The following LIPC variants were observed in gnomAD, a reference collection of about 807,000 sequenced individuals.
LIPC encodes hepatic triacylglycerol lipase.
Under a neutral mutation model 50.7 loss-of-function variants are expected in LIPC, and 44 were observed. That is an observed-to-expected ratio of 0.87 (90% confidence interval 0.68 to 1.11). LIPC has a LOEUF of 1.11. LIPC is among the 50% of genes most tolerant of loss of function. The pLI is 0.00. For synonymous variants in LIPC, 271 were observed against 256.4 expected (o/e 1.06, Z -0.54); for missense variants, 697 against 648.2 (o/e 1.08, Z -0.82).
chr15:58,563,924 C>G (rs1894265102), intron 8 of LIPC: 1 of 617,806 alleles, frequency 1.6e-6, no homozygotes, highest in South Asian at 1.7e-5. Flanking sequence ...ACACCCAGGT[C>G]TTTGAATACA....
At chr15:58,518,535 C>A (rs931300694) in intron 1 of LIPC, among the ~76,000 whole-genome samples, 6 of 152,214 alleles carry the variant, frequency 3.9e-5, no homozygotes, top group Admixed American at 2.0e-4. Flanking sequence ...TCGCTCCACT[C>A]CTTCAGGCTC....
In LIPC at chr15:58,501,347, C is replaced by CTTT. The variant is rs11453466; in HGVS notation, c.89-36971_89-36969dup. ...GATCATTACCTAGAGGCCTCTCATA[C>CTTT]TTTTTTTTTTTTTTTTTAATGCCTG... On this transcript the variant is annotated intron_variant, in intron 1 of 8. Transcript: ENST00000299022. Among the ~76,000 whole-genome samples the CTTT allele has an allele frequency of 1.2e-3, 161 of 134,844 alleles. 1 individual carries two copies. The highest frequency in any genetic ancestry group is 3.9e-3 in the Middle Eastern group (1 of 254). 88.5% of individuals were successfully genotyped at this position (134,844 alleles called of 152,430 possible).
intron 1 of LIPC, among the ~76,000 whole-genome samples, chr15:58,451,416 GT>G (rs1893894942): frequency 6.6e-6 from 1 of 152,138 alleles, no homozygotes; most frequent in Admixed American, 6.5e-5. Context: ...AAGTCACCAT[GT>G]TTCTTCATTC....
chr15:58,505,920 G>T (rs1453318505), intron 1 of LIPC, among the ~76,000 whole-genome samples: 1 of 151,128 alleles, frequency 6.6e-6, no homozygotes, highest in East Asian at 2.0e-4. Context: ...GCCAGTACCC[G>T]CGAGCTCCCT....
intron 6 of LIPC, among the ~76,000 whole-genome samples, chr15:58,548,785 C>A (rs1034324614): frequency 6.6e-6 from 1 of 152,196 alleles, no homozygotes; most frequent in African/African-American, 2.4e-5. Context: ...GGAGGAGAAA[C>A]CTCGACCATT....
chr15:58,474,280 G>A (rs1380056161), intron 1 of LIPC, among the ~76,000 whole-genome samples: 1 of 152,138 alleles, frequency 6.6e-6, no homozygotes, highest in African/African-American at 2.4e-5. Context: ...CACTTTGGGG[G>A]CCCAAGCAGG....
intron 5 of LIPC, among the ~76,000 whole-genome samples, chr15:58,546,808 T>C (rs1893545689): frequency 6.6e-6 from 1 of 152,110 alleles, no homozygotes; most frequent in South Asian, 2.1e-4. Context: ...GATGACACCA[T>C]CCTCGCCTCT....
At chr15:58,462,143 T>C (rs572633110) in intron 1 of LIPC, among the ~76,000 whole-genome samples, 87 of 152,366 alleles carry the variant, frequency 5.7e-4, no homozygotes, top group African/African-American at 2.1e-3. Context: ...CATTGCACTG[T>C]GTTCATTATG....
chr15:58,548,718 C>T (rs1893634996), intron 6 of LIPC, 146 bp downstream of exon 6: 5 of 1,146,774 alleles, frequency 4.4e-6, no homozygotes, highest in East Asian at 5.1e-5. Context: ...CAGACAGCAA[C>T]GTTGACACAG....
intron 2 of LIPC, among the ~76,000 whole-genome samples, chr15:58,540,301 C>G (rs1182504708): frequency 6.6e-6 from 1 of 152,210 alleles, no homozygotes; most frequent in African/African-American, 2.4e-5. Context: ...TTAATAACAA[C>G]AACAACTGCA....
intron 1 of LIPC, among the ~76,000 whole-genome samples, chr15:58,515,311 A>C (rs559138861): frequency 1.1e-4 from 17 of 152,292 alleles, no homozygotes; most frequent in Admixed American, 2.6e-4. Flanking sequence ...AGCCTACCAT[A>C]AACTGGATCC....
At chr15:58,437,447 C>T (rs1223102478) in intron 1 of LIPC, among the ~76,000 whole-genome samples, 1 of 152,042 alleles carries the variant, frequency 6.6e-6, no homozygotes, top group African/African-American at 2.4e-5. Flanking sequence ...ACACTGTAGA[C>T]ACATGCTGTA....
chr15:58,569,503 T>G lies in LIPC; in HGVS notation c.*676T>G, dbSNP rs758208818. ...CTAATGCTTGCAACAAAAGCTAATT[T>G]TAAAAACTTGGAATGTCTCAAAGCA... On this transcript the variant is annotated 3_prime_UTR_variant, in exon 9 of 9. Transcript: ENST00000299022. 2.0e-5 allele frequency: 3 copies of G among 152,198 alleles called. No individual in the cohort carries two copies. The highest frequency in any genetic ancestry group is 4.4e-5 in the Non-Finnish European group (3 of 68,036). The allele number at this position is 152,198 out of a possible 1,614,324, so 9.4% of individuals were successfully genotyped here. A position where few individuals can be genotyped will look rare whatever the true frequency, so the allele number is the denominator to read the frequency against.
intron 1 of LIPC, chr15:58,473,967 C>T (rs1566920693): frequency 6.6e-6 from 1 of 152,252 alleles, no homozygotes; most frequent in Non-Finnish European, 1.5e-5. Context: ...AACTCCCCAC[C>T]TTTTTTATTA....
At chr15:58,446,202 G>A (rs1893689676) in intron 1 of LIPC, among the ~76,000 whole-genome samples, 1 of 152,084 alleles carries the variant, frequency 6.6e-6, no homozygotes, top group Admixed American at 6.6e-5. Flanking sequence ...TTATACGCTA[G>A]TATTTCTTTC....
At chr15:58,459,401 C>CTTT (rs3052238) in intron 1 of LIPC, among the ~76,000 whole-genome samples, 58,824 of 145,626 alleles carry the variant, frequency 0.4, 11,934 homozygotes, top group Admixed American at 0.5. Context: ...TTTTTTCTTT[C>CTTT]TTTTTTTTTT....
intron 1 of LIPC, among the ~76,000 whole-genome samples, chr15:58,444,138 T>C (rs780896661): frequency 3.8e-4 from 58 of 152,180 alleles, no homozygotes; most frequent in Non-Finnish European, 7.3e-4. Flanking sequence ...GGTCTAGGAA[T>C]TATTCCACAG....
At chr15:58,545,330 C>T (rs1269153312) in intron 4 of LIPC, among the ~76,000 whole-genome samples, 1 of 152,114 alleles carries the variant, frequency 6.6e-6, no homozygotes, top group Non-Finnish European at 1.5e-5. Context: ...CCTCAAACTC[C>T]TGGGCTCAAG....
At chr15:58,508,081 G>T (rs767570939) in intron 1 of LIPC, among the ~76,000 whole-genome samples, 1 of 152,156 alleles carries the variant, frequency 6.6e-6, no homozygotes, top group Non-Finnish European at 1.5e-5. Flanking sequence ...CTTTCTTCCT[G>T]TGATATGGGT....
Sources: allele counts gnomAD v4.1 joint callset (sites outside exome capture counted in the v4.1 genomes callset), GRCh38; gene constraint gnomAD v4.1.1; transcripts MANE v1.5; gene names NCBI Gene and HGNC (gene_info 2026-07-23, HGNC 2026-07-21).